GRM7: variants seen among roughly 807,000 people sequenced by gnomAD.
GRM7 encodes the protein glutamate metabotropic receptor 7, also known as metabotropic glutamate receptor 7.
Under a neutral mutation model 84.5 loss-of-function variants are expected in GRM7, and 35 were observed. The ratio of observed to expected loss-of-function variants is 0.41; its 90% CI spans 0.32 to 0.55. The LOEUF (loss-of-function observed/expected upper bound fraction) is 0.55, where lower values mean the gene tolerates loss of function less well. Ranked by LOEUF, GRM7 falls within the 20% of genes least tolerant of loss-of-function variation. GRM7 has a pLI of 0.19. For synonymous variants in GRM7, 487 were observed against 455.1 expected (o/e 1.07, Z -0.89); for missense variants, 1,003 against 1,194.6 (o/e 0.84, Z 2.36).
Position 7,740,579 on chromosome 3 carries a change from C to T in GRM7, c.*173C>T. On this transcript the variant is annotated 3_prime_UTR_variant, in exon 10 of 10. Coordinates refer to ENST00000357716, the MANE Select transcript of GRM7 (RefSeq NM_000844.4). ...CTAAACAGCTGCTTTATGAAATATC[C>T]TTACTTTATCTGGGCTTAATAAGTC... 2.1e-6 allele frequency: 1 copy of T among 466,236 alleles called. No individual in the cohort carries two copies. The highest frequency in any genetic ancestry group is 3.8e-6 in the Non-Finnish European group (1 of 261,760). The allele number at this position is 466,236 out of a possible 1,614,324, so 28.9% of individuals were successfully genotyped here.
intron 2 of GRM7, among the ~76,000 whole-genome samples, chr3:7,171,336 C>T (rs1694976416): frequency 6.6e-6 from 1 of 151,998 alleles, no homozygotes; most frequent in Non-Finnish European, 1.5e-5. Context: ...TAGGGCCCAG[C>T]CTAATAATCT....
intron 4 of GRM7, among the ~76,000 whole-genome samples, chr3:7,393,286 C>T (rs1041020261): frequency 3.9e-5 from 6 of 152,144 alleles, no homozygotes; most frequent in African/African-American, 1.4e-4. Context: ...GGCTCAAGTG[C>T]CTGCGGAATT....
At chr3:7,725,290 G>A (rs1702084208) in intron 9 of GRM7, among the ~76,000 whole-genome samples, 1 of 151,960 alleles carries the variant, frequency 6.6e-6, no homozygotes, top group African/African-American at 2.4e-5. Flanking sequence ...GGAATATCTT[G>A]GGAAAAAAAA....
chr3:7,537,852 G>C (rs1022206613), intron 7 of GRM7, among the ~76,000 whole-genome samples: 1 of 152,174 alleles, frequency 6.6e-6, no homozygotes, highest in African/African-American at 2.4e-5. Context: ...CCACTAAATT[G>C]TAAGAACTAC....
Position 7,142,855 on chromosome 3 carries a change from T to A in GRM7, c.520-3597T>A, listed in dbSNP as rs181789970. 2.0e-4 allele frequency among the ~76,000 whole-genome samples: 31 copies of A among 152,310 alleles called. No individual in the cohort carries two copies. The East Asian group carries it at 6.0e-3, about 29-fold the overall frequency. On this transcript the variant is annotated intron_variant, in intron 1 of 9. Coordinates refer to ENST00000357716, the MANE Select transcript of GRM7 (RefSeq NM_000844.4). ...ATAGGTTATAGATGTTTTTAAATCCTATTTGAAACTCATTAACAAAACCAT... is the reference window on the plus strand; with the variant it reads ...ATAGGTTATAGATGTTTTTAAATCCAATTTGAAACTCATTAACAAAACCAT...
At chr3:7,411,920 G>A (rs2125175311) in intron 4 of GRM7, among the ~76,000 whole-genome samples, 3 of 151,896 alleles carry the variant, frequency 2.0e-5, no homozygotes, top group Middle Eastern at 6.8e-3. Context: ...TCAGCAACAG[G>A]GAATTCCTGT....
intron 1 of GRM7, among the ~76,000 whole-genome samples, chr3:6,983,681 A>C (rs568561317): frequency 6.6e-6 from 1 of 152,264 alleles, no homozygotes; most frequent in African/African-American, 2.4e-5. Flanking sequence ...TTGACATTGA[A>C]CCATGCAGTT....
chr3:6,991,345 G>C (rs1226534555), intron 1 of GRM7, among the ~76,000 whole-genome samples: 1 of 152,154 alleles, frequency 6.6e-6, no homozygotes, highest in Middle Eastern at 3.2e-3. Context: ...CGGACTGATT[G>C]CTTTCAGCAA....
intron 5 of GRM7, among the ~76,000 whole-genome samples, chr3:7,416,243 G>A (rs944949835): frequency 6.6e-6 from 1 of 152,234 alleles, no homozygotes; most frequent in South Asian, 2.1e-4. Flanking sequence ...TATCCTAAGA[G>A]CAGTGGTAAC....
chr3:7,370,530 G>A (rs1694087293), intron 4 of GRM7, among the ~76,000 whole-genome samples: 1 of 151,900 alleles, frequency 6.6e-6, no homozygotes, highest in Non-Finnish European at 1.5e-5. Flanking sequence ...GCGGAACTGT[G>A]AGTCCATTAA....
intron 2 of GRM7, among the ~76,000 whole-genome samples, chr3:7,147,781 C>T (rs1359484448): frequency 1.3e-5 from 2 of 152,108 alleles, no homozygotes; most frequent in East Asian, 3.9e-4. Context: ...GATTCTTATT[C>T]TCTTCCTTCT....
chr3:7,650,233 A>G (rs1698867327), intron 8 of GRM7, among the ~76,000 whole-genome samples: 1 of 152,192 alleles, frequency 6.6e-6, no homozygotes, highest in Admixed American at 6.5e-5. Context: ...CAGAGTGAAA[A>G]CACTCTCAGG....
chr3:7,264,772 C>T (rs1698571334), intron 2 of GRM7, among the ~76,000 whole-genome samples: 1 of 120,594 alleles, frequency 8.3e-6, no homozygotes, highest in Non-Finnish European at 1.7e-5. Context: ...CTGGCATCCT[C>T]TCTATGGTAT....
intron 7 of GRM7, among the ~76,000 whole-genome samples, chr3:7,487,023 T>C (rs530705385): frequency 1.3e-5 from 2 of 152,268 alleles, no homozygotes; most frequent in Admixed American, 1.3e-4. Flanking sequence ...TCTAATGAAG[T>C]CTTAGATAAA....
intron 7 of GRM7, among the ~76,000 whole-genome samples, chr3:7,496,277 A>T (rs558192596): frequency 6.6e-6 from 1 of 152,186 alleles, no homozygotes; most frequent in African/African-American, 2.4e-5. Flanking sequence ...ATCATTATCA[A>T]TGGGGACAAC....
chr3:7,358,062 C>T (rs6783210), intron 4 of GRM7, among the ~76,000 whole-genome samples: 9,981 of 152,074 alleles, frequency 0.066, 367 homozygotes, highest in African/African-American at 0.097. Flanking sequence ...CTCCGTTGCT[C>T]CATTCCTCCT....
At chr3:7,261,372 G>A (rs955076449) in intron 2 of GRM7, among the ~76,000 whole-genome samples, 1 of 152,166 alleles carries the variant, frequency 6.6e-6, no homozygotes, top group African/African-American at 2.4e-5. Context: ...GTCCAAGAGA[G>A]TGGTTTGTTT....
At chr3:7,565,042 C>T (rs1168255850) in intron 7 of GRM7, among the ~76,000 whole-genome samples, 2 of 152,198 alleles carry the variant, frequency 1.3e-5, no homozygotes, top group East Asian at 1.9e-4. Context: ...ATATTTAATT[C>T]CCTTTCTTCC....
chr3:7,004,886 AC>A (rs1695128616), intron 1 of GRM7, among the ~76,000 whole-genome samples: 1 of 152,190 alleles, frequency 6.6e-6, no homozygotes, highest in African/African-American at 2.4e-5. Flanking sequence ...CTCTAAAAAC[AC>A]CACAGACAAC....
Sources: gnomAD v4.1 joint callset for allele counts (sites outside exome capture counted in the v4.1 genomes callset) on GRCh38, gnomAD v4.1.1 for gene constraint, MANE v1.5 for transcripts, NCBI Gene and HGNC (gene_info 2026-07-23, HGNC 2026-07-21) for gene names.